TLE7: variants seen among roughly 807,000 people sequenced by gnomAD.
The protein encoded by TLE7 is transducin-like enhancer protein 7.
At position 71,430,214 on chromosome 16, in the gene TLE7, C is replaced by T. The variant is rs1329492154; in HGVS notation, c.*48G>A. 9 of 398,472 alleles carry T rather than the reference C, an allele frequency of 2.3e-5. No homozygotes were observed. Among genetic ancestry groups the T allele is most frequent in the Admixed American group, 8.8e-5 (2 of 22,710 alleles). 24.7% of individuals were successfully genotyped at this position (398,472 alleles called of 1,614,324 possible). Reference sequence around the variant, plus strand: ...CTCTGAAGCCATCCTCACAGCCACACCAGCCCAAAGACTGGGTCTTCACTG... The same window carrying T: ...CTCTGAAGCCATCCTCACAGCCACATCAGCCCAAAGACTGGGTCTTCACTG... On this transcript the variant is annotated 3_prime_UTR_variant, in exon 10 of 10. Coordinates refer to ENST00000561754, the MANE Select transcript of TLE7 (RefSeq NM_001367365.2).
rs1272344801 is a variant in TLE7, at chr16:71,432,651, A to T, written c.393+14T>A. On this transcript the variant is annotated intron_variant, in intron 4 of 9. Transcript: ENST00000561754. ...GGGAAAGGAAGGATCCTGAGTATGA[A>T]GTTGGACACTTACAATTGCTCTGAG... 1 of 398,574 alleles carries T rather than the reference A, an allele frequency of 2.5e-6. No individual in the cohort carries two copies. The highest frequency in any genetic ancestry group is 2.1e-5 in the African/African-American group (1 of 48,616). The allele number at this position is 398,574 out of a possible 1,614,324, so 24.7% of individuals were successfully genotyped here.
chr16:71,437,663 G>A (rs1240141276), intron 1 of TLE7, among the ~76,000 whole-genome samples: 2 of 152,140 alleles, frequency 1.3e-5, no homozygotes, highest in Non-Finnish European at 2.9e-5. Flanking sequence ...GGGTGATGAA[G>A]CTGGACCCCT....
At chr16:71,435,621 T>C (rs979913432) in intron 1 of TLE7, among the ~76,000 whole-genome samples, 5 of 152,176 alleles carry the variant, frequency 3.3e-5, no homozygotes, top group African/African-American at 9.7e-5. Flanking sequence ...GAGATGGAAA[T>C]TGGCAAATAG....
In TLE7 at chr16:71,431,013, C is replaced by T. The variant is rs1444482916; in HGVS notation, c.1147+108G>A. Reference sequence around the variant, plus strand: ...CAGGCTGTCATTCTGTGCAGGATCTCCCATTACGGAGGGAGCCAGAAAAGG... The same window carrying T: ...CAGGCTGTCATTCTGTGCAGGATCTTCCATTACGGAGGGAGCCAGAAAAGG... On this transcript the variant is annotated intron_variant, in intron 8 of 9. Transcript: ENST00000561754. The surrounding 1 kb of genome is among the most constrained non-coding windows in gnomAD (Gnocchi z 4.5). 1.0e-5 allele frequency: 4 copies of T among 399,654 alleles called. No homozygotes were observed. The East Asian group carries it at 1.4e-4, about 14-fold the overall frequency. 24.8% of individuals were successfully genotyped at this position (399,654 alleles called of 1,614,324 possible). A position where few individuals can be genotyped will look rare whatever the true frequency, so the allele number is the denominator to read the frequency against.
At chr16:71,441,287 G>T (rs1208090168) in intron 1 of TLE7, among the ~76,000 whole-genome samples, 2 of 152,352 alleles carry the variant, frequency 1.3e-5, no homozygotes, top group Non-Finnish European at 2.9e-5. Flanking sequence ...GTCTCACTTT[G>T]TTGCCCAGGC....
At chr16:71,441,092 T>A (rs1411505426) in intron 1 of TLE7, among the ~76,000 whole-genome samples, 1 of 152,188 alleles carries the variant, frequency 6.6e-6, no homozygotes, top group Non-Finnish European at 1.5e-5. Flanking sequence ...TGGGTCCATC[T>A]CTTATCTCCC....
In TLE7 at chr16:71,431,385, C is replaced by T; in HGVS notation, c.993+36G>A. 1 of 400,246 alleles carries T rather than the reference C, an allele frequency of 2.5e-6. No individual in the cohort carries two copies. Among genetic ancestry groups the T allele is most frequent in the Non-Finnish European group, 4.4e-6 (1 of 226,286 alleles). The allele number at this position is 400,246 out of a possible 1,614,324, so 24.8% of individuals were successfully genotyped here. A position where few individuals can be genotyped will look rare whatever the true frequency, so the allele number is the denominator to read the frequency against. ...CCTGCCTCCATGCATGGCTCCACTA[C>T]AGGTGGCATTCTGCCAGTGGTGGCC... is the stretch of plus-strand genomic sequence containing the variant. On this transcript the variant is annotated intron_variant, in intron 7 of 9. Coordinates refer to ENST00000561754, the MANE Select transcript of TLE7 (RefSeq NM_001367365.2). The surrounding 1 kb of genome is among the most constrained non-coding windows in gnomAD (Gnocchi z 4.5).
intron 1 of TLE7, among the ~76,000 whole-genome samples, chr16:71,441,524 G>C (rs1292260742): frequency 1.3e-5 from 2 of 152,356 alleles, no homozygotes; most frequent in African/African-American, 2.4e-5. Context: ...CCTCTGGGTC[G>C]GGCAGGGTCC....
intron 1 of TLE7, among the ~76,000 whole-genome samples, chr16:71,438,369 G>A (rs897413152): frequency 7.5e-6 from 1 of 134,022 alleles, no homozygotes; most frequent in Non-Finnish European, 1.5e-5. Flanking sequence ...GCAGAGCCCT[G>A]AAGCAAGATT....
intron 1 of TLE7, among the ~76,000 whole-genome samples, chr16:71,438,843 A>G (rs1460946257): frequency 6.6e-6 from 1 of 152,200 alleles, no homozygotes; most frequent in East Asian, 1.9e-4. Context: ...AGCCGTGGAT[A>G]GAGGGACCCA....
At chr16:71,437,391 G>C (rs906774956) in intron 1 of TLE7, among the ~76,000 whole-genome samples, 9 of 149,604 alleles carry the variant, frequency 6.0e-5, no homozygotes, top group Admixed American at 4.7e-4. Flanking sequence ...AGGGAGGAGA[G>C]AGAGAGAGAA....
rs556023042 is a variant in TLE7, at chr16:71,431,934, C to T, written c.678G>A (p.Ala226=). The part of the protein sequence containing the change: ...PDERSLITGG[A]SQAVTLWDLA... Reference sequence around the variant, plus strand: ...AGTCCCAGAGAGTCACGGCCTGGGACGCACCCCCTGTGATCAGGCTCCGCT... The same window carrying T: ...AGTCCCAGAGAGTCACGGCCTGGGATGCACCCCCTGTGATCAGGCTCCGCT... The change falls in exon 6 of 10, where the codon GCG becomes GCA. Residue 226 remains alanine, a synonymous_variant. Transcript: ENST00000561754. The surrounding 1 kb of genome is among the most constrained non-coding windows in gnomAD (Gnocchi z 4.5). 8 of 400,728 alleles carry T rather than the reference C, an allele frequency of 2.0e-5. No individual in the cohort carries two copies. Among genetic ancestry groups the T allele is most frequent in the Middle Eastern group, 3.1e-4 (1 of 3,222 alleles). The allele number at this position is 400,728 out of a possible 1,614,324, so 24.8% of individuals were successfully genotyped here. A position where few individuals can be genotyped will look rare whatever the true frequency, so the allele number is the denominator to read the frequency against.
intron 1 of TLE7, among the ~76,000 whole-genome samples, chr16:71,436,885 C>A (rs1224839199): frequency 6.6e-6 from 1 of 152,182 alleles, no homozygotes; most frequent in Non-Finnish European, 1.5e-5. Flanking sequence ...ACATCAAATC[C>A]CCTGGAGGCC....
intron 1 of TLE7, among the ~76,000 whole-genome samples, chr16:71,436,128 G>A (rs976149146): frequency 6.6e-6 from 1 of 152,058 alleles, no homozygotes; most frequent in Admixed American, 6.6e-5. Context: ...TGGTCTGGGG[G>A]CTCACTCAAA....
intron 8 of TLE7, among the ~76,000 whole-genome samples, 178 bp from the exon 9 acceptor site, chr16:71,430,919 C>T (rs916241151): frequency 3.3e-5 from 5 of 152,172 alleles, no homozygotes; most frequent in African/African-American, 1.2e-4. Context: ...CACACAAGAT[C>T]ATGGTTATCA....
chr16:71,440,935 G>A (rs1156840604), intron 1 of TLE7, among the ~76,000 whole-genome samples: 1 of 152,168 alleles, frequency 6.6e-6, no homozygotes, highest in African/African-American at 2.4e-5. Context: ...CCTTGCCAAG[G>A]CCCCTTCCTC....
chr16:71,438,899 G>A (rs1478261812), intron 1 of TLE7, among the ~76,000 whole-genome samples: 1 of 152,136 alleles, frequency 6.6e-6, no homozygotes, highest in African/African-American at 2.4e-5. Flanking sequence ...GTGTATGTGG[G>A]CAACAGGTGG....
In TLE7 at chr16:71,432,143, C is replaced by T; in HGVS notation, c.576G>A (p.Gly192=). The change falls in exon 5 of 10, where the codon GGG becomes GGA. Residue 192 remains glycine (G), a synonymous_variant. Coordinates refer to ENST00000561754, the MANE Select transcript of TLE7 (RefSeq NM_001367365.2). ...RVWDESALHA[G]EKAPRAQLDL... Reference sequence around the variant, plus strand: ...CCAGCTGGGCCCGAGGGGCCTTCTCCCCCGCATGCAGCGCACTCTCATCCC... The same window carrying T: ...CCAGCTGGGCCCGAGGGGCCTTCTCTCCCGCATGCAGCGCACTCTCATCCC... 1 of 401,114 alleles carries T rather than the reference C, an allele frequency of 2.5e-6. No individual in the cohort carries two copies. Among genetic ancestry groups the T allele is most frequent in the Non-Finnish European group, 4.4e-6 (1 of 226,488 alleles). 24.8% of individuals were successfully genotyped at this position (401,114 alleles called of 1,614,324 possible).
At chr16:71,435,053 G>C (rs898852482) in intron 1 of TLE7, among the ~76,000 whole-genome samples, 1 of 152,164 alleles carries the variant, frequency 6.6e-6, no homozygotes, top group African/African-American at 2.4e-5. Context: ...AAATGGCCAT[G>C]GGAGGAGACT....
Sources: gnomAD v4.1 joint callset for allele counts (sites outside exome capture counted in the v4.1 genomes callset) on GRCh38, gnomAD v4.1.1 for gene constraint, Gnocchi (gnomAD v3.1) non-coding constraint, MANE v1.5 for transcripts, NCBI Gene and HGNC (gene_info 2026-07-23, HGNC 2026-07-21) for gene names.